ZYG11B: variants seen among roughly 807,000 people sequenced by gnomAD.
The protein encoded by ZYG11B is protein zyg-11 homolog B.
A neutral mutation model predicts 82.4 loss-of-function variants in ZYG11B; 36 were observed. That is an observed-to-expected ratio of 0.44 (90% CI 0.33 to 0.58). ZYG11B has a LOEUF of 0.58. Ranked by LOEUF, ZYG11B falls within the 20% of genes least tolerant of loss-of-function variation. ZYG11B has a pLI of 0.02. For synonymous variants in ZYG11B, 303 were observed against 312.8 expected (o/e 0.97, Z 0.33); for missense variants, 552 against 895.6 (o/e 0.62, Z 4.90).
intron 6 of ZYG11B, among the ~76,000 whole-genome samples, chr1:52,792,953 G>A (rs2149952446): frequency 6.6e-6 from 1 of 152,192 alleles, no homozygotes; most frequent in Non-Finnish European, 1.5e-5. Flanking sequence ...CAATTCTCCT[G>A]CCTCAGTCTC....
chr1:52,794,860 A>G (rs770762211), intron 6 of ZYG11B, among the ~76,000 whole-genome samples: 3 of 152,150 alleles, frequency 2.0e-5, no homozygotes, highest in African/African-American at 7.2e-5. Flanking sequence ...TTCCATTTCT[A>G]TCACGTGGAG....
chr1:52,730,666 ATC>A (rs1323467526), intron 1 of ZYG11B, among the ~76,000 whole-genome samples: 1 of 152,054 alleles, frequency 6.6e-6, no homozygotes, highest in East Asian at 1.9e-4. Context: ...GTTTTAATAT[ATC>A]TTGAGTGTGC....
At position 52,726,539 on chromosome 1, in the gene ZYG11B, G is replaced by C. The variant is rs1644285505; in HGVS notation, c.-115G>C. 1 of 1,039,106 alleles carries C rather than the reference G, an allele frequency of 9.6e-7. No individual in the cohort carries two copies. Among genetic ancestry groups the C allele is most frequent in the Non-Finnish European group, 1.3e-6 (1 of 788,556 alleles). The allele number at this position is 1,039,106 out of a possible 1,614,324, so 64.4% of individuals were successfully genotyped here. On this transcript the variant is annotated 5_prime_UTR_variant, in exon 1 of 14. Transcript: ENST00000294353. ...TCCTAGCTTGAGGGAAAGAGGCCGAGGCCTGGGCCAAGCCCGGAGCCGCCG... is the reference window on the plus strand; with the variant it reads ...TCCTAGCTTGAGGGAAAGAGGCCGACGCCTGGGCCAAGCCCGGAGCCGCCG...
At position 52,824,986 on chromosome 1, in the gene ZYG11B, A is replaced by G. The variant is rs983059941; in HGVS notation, c.*3357A>G. On this transcript the variant is annotated 3_prime_UTR_variant, in exon 14 of 14. Transcript: ENST00000294353. ...TTGTTCAAATCATTGGTGGGCTCCA[A>G]TGTAAAATATCACTACATCAGTCCA... The G allele has an allele frequency of 4.6e-5, 7 of 152,168 alleles. No homozygotes were observed. The highest frequency in any genetic ancestry group is 1.9e-4 in the East Asian group (1 of 5,188). The allele number at this position is 152,168 out of a possible 1,614,324, so 9.4% of individuals were successfully genotyped here.
chr1:52,755,380 T>C (rs745577337), intron 1 of ZYG11B, among the ~76,000 whole-genome samples: 5 of 152,350 alleles, frequency 3.3e-5, no homozygotes, highest in Non-Finnish European at 7.3e-5. Flanking sequence ...ATCCTTATGC[T>C]GGTGCCATAC....
At chr1:52,794,865 G>T (rs551435) in intron 6 of ZYG11B, among the ~76,000 whole-genome samples, 90,109 of 151,944 alleles carry the variant, frequency 0.59, 29,447 homozygotes, top group East Asian at 0.97. Context: ...TTTCTATCAC[G>T]TGGAGTAGAC....
At chr1:52,793,868 T>TTCCTTCCTTCC (rs1644979935) in intron 6 of ZYG11B, among the ~76,000 whole-genome samples, 55 of 95,494 alleles carry the variant, frequency 5.8e-4, no homozygotes, top group African/African-American at 2.2e-3. Flanking sequence ...CTTTTCTTTC[T>TTCCTTCCTTCC]TTCCTTCCTT....
rs900117242 is a variant in ZYG11B at position 52,824,312 on chromosome 1, T to TA, written c.*2686dup. On this transcript the variant is annotated 3_prime_UTR_variant, in exon 14 of 14. Transcript: ENST00000294353. Reference sequence around the variant, plus strand: ...ACTACAGGCTAAATTTCCTACTTTGTAAACATCAGTAGTGGCCAGATACTT... The same window carrying TA: ...ACTACAGGCTAAATTTCCTACTTTGTAAAACATCAGTAGTGGCCAGATACTT... 5.9e-5 allele frequency: 9 copies of TA among 152,124 alleles called. No homozygotes were observed. The highest frequency in any genetic ancestry group is 2.2e-4 in the African/African-American group (9 of 41,416). The allele number at this position is 152,124 out of a possible 1,614,324, so 9.4% of individuals were successfully genotyped here.
At chr1:52,797,176 A>ATATTTATATATTATATATAAAT (rs1645025351) in intron 8 of ZYG11B, among the ~76,000 whole-genome samples, 2 of 70,058 alleles carry the variant, frequency 2.9e-5, no homozygotes, top group Non-Finnish European at 4.7e-5. Context: ...TATATTATAT[A>ATATTTATATATTATATATAAAT]TATTTATATA....
At position 52,793,514 on chromosome 1, in the gene ZYG11B, G is replaced by C. The variant is rs572540817; in HGVS notation, c.1335-2778G>C. 6.2e-4 allele frequency among the ~76,000 whole-genome samples: 94 copies of C among 152,258 alleles called. 1 individual carries two copies. Among genetic ancestry groups the C allele is most frequent in the African/African-American group, 2.2e-3 (92 of 41,560 alleles). ...CTCAAAAACAAAAAGTTAATAAGTG[G>C]TGGAGGTGATATTGGAATCCAAGCT... On this transcript the variant is annotated intron_variant, in intron 6 of 13. Coordinates refer to ENST00000294353, the MANE Select transcript of ZYG11B (RefSeq NM_024646.3).
chr1:52,803,173 C>CATATAT (rs754709420), intron 10 of ZYG11B, among the ~76,000 whole-genome samples: 1 of 55,498 alleles, frequency 1.8e-5, no homozygotes, highest in Non-Finnish European at 2.6e-5. Context: ...TATATACACA[C>CATATAT]ATATATATAT....
intron 3 of ZYG11B, chr1:52,772,738 CGCTATCTTG>C: frequency 1.6e-6 from 1 of 638,236 alleles, no homozygotes; most frequent in Non-Finnish European, 2.8e-6. Flanking sequence ...AGTGCAGTGG[CGCTATCTTG>C]GCTCACTGCA....
chr1:52,785,154 T>C (rs1002311337), intron 5 of ZYG11B, 101 bp downstream of exon 5: 7 of 1,280,078 alleles, frequency 5.5e-6, no homozygotes, highest in Admixed American at 5.4e-5. Context: ...TCAAATGCCT[T>C]TGGAGGCTGT....
At chr1:52,748,609 T>TC (rs1426071997) in intron 1 of ZYG11B, among the ~76,000 whole-genome samples, 1 of 152,228 alleles carries the variant, frequency 6.6e-6, no homozygotes, top group African/African-American at 2.4e-5. Context: ...ATGCCTGTAA[T>TC]CCCAGCACTT....
At chr1:52,783,885 T>TACACACAC (rs1644884283) in intron 4 of ZYG11B, among the ~76,000 whole-genome samples, 1 of 114,686 alleles carries the variant, frequency 8.7e-6, no homozygotes, top group African/African-American at 4.9e-5. Flanking sequence ...TGTGTGTATA[T>TACACACAC]GTACATACAC....
Position 52,773,156 on chromosome 1 carries a change from G to T in ZYG11B, c.951+1382G>T, listed in dbSNP as rs578180647. Among the ~76,000 whole-genome samples, 6 of 152,004 alleles carry T rather than the reference G, an allele frequency of 3.9e-5. No individual in the cohort carries two copies. The East Asian group carries it at 1.2e-3, about 30-fold the overall frequency. On this transcript the variant is annotated intron_variant, in intron 3 of 13. Coordinates refer to ENST00000294353, the MANE Select transcript of ZYG11B (RefSeq NM_024646.3). ...AATTTAGTTTAACAAACATCAGTTGGATTTGGTAGAGCTTGGGATTCAAAA... is the reference window on the plus strand; with the variant it reads ...AATTTAGTTTAACAAACATCAGTTGTATTTGGTAGAGCTTGGGATTCAAAA...
Position 52,796,308 on chromosome 1 carries a change from C to T in ZYG11B, c.1351C>T (p.Leu451Phe), listed in dbSNP as rs1374895621. The T allele has an allele frequency of 1.2e-6, 2 of 1,613,608 alleles. No individual in the cohort carries two copies. Among genetic ancestry groups the T allele is most frequent in the Non-Finnish European group, 1.7e-6 (2 of 1,179,672 alleles). Residue 451 changes from leucine (L) to phenylalanine (F), a missense_variant, in exon 7 of 14, where the codon CTT (leucine) becomes TTT (phenylalanine). This residue lies in a region of ZYG11B where 359 missense variants were observed against 555.8 expected (regional missense o/e 0.65). Transcript: ENST00000294353. ...TGTTTTCAGGTTTGAAGCAGCCAAG[C>T]TTGTCATGCAGTGGCTTTGCAACCA... ...VPFNRFEAAKLVMQWLCNHED... is the reference protein window; with the variant it reads ...VPFNRFEAAKFVMQWLCNHED...
rs147182211 is a variant in ZYG11B at position 52,726,521 on chromosome 1, T to C, written c.-133T>C. The C allele has an allele frequency of 4.9e-5, 41 of 843,938 alleles. No homozygotes were observed. In the African/African-American group the frequency reaches 5.9e-4, roughly 12 times the overall value. The allele number at this position is 843,938 out of a possible 1,614,324, so 52.3% of individuals were successfully genotyped here. On this transcript the variant is annotated 5_prime_UTR_variant, in exon 1 of 14. Coordinates refer to ENST00000294353, the MANE Select transcript of ZYG11B (RefSeq NM_024646.3). ...CGGCTGCTACTGCTACGCTCCTAGC[T>C]TGAGGGAAAGAGGCCGAGGCCTGGG...
At position 52,771,035 on chromosome 1, in the gene ZYG11B, G is replaced by C; in HGVS notation, c.212G>C (p.Gly71Ala). Residue 71 changes from glycine to alanine, a missense_variant, in exon 3 of 14, where the codon GGA becomes GCA. Gly to Ala is a moderately conservative substitution (Grantham distance 60). Coordinates refer to ENST00000294353, the MANE Select transcript of ZYG11B (RefSeq NM_024646.3). This position sits in a 1 kb window ranked among gnomAD's most constrained non-coding sequence, Gnocchi z 5.4. ...TMAFHGLLND[G>A]TVGIFRGNQM... ...TTTTCCACAGGTCTATTGAATGATGGAACTGTGGGTATTTTTAGGGGCAAC... is the reference window on the plus strand; with the variant it reads ...TTTTCCACAGGTCTATTGAATGATGCAACTGTGGGTATTTTTAGGGGCAAC... 6.2e-7 allele frequency: 1 copy of C among 1,612,176 alleles called. No individual in the cohort carries two copies.
Sources: allele counts gnomAD v4.1 joint callset (sites outside exome capture counted in the v4.1 genomes callset), GRCh38; gene constraint gnomAD v4.1.1; regional missense constraint gnomAD v4.1.1; non-coding constraint Gnocchi (gnomAD v3.1); transcripts MANE v1.5; gene names NCBI Gene and HGNC (gene_info 2026-07-23, HGNC 2026-07-21).